Variants in ABHD8 observed in about 807,000 individuals in gnomAD.
ABHD8 encodes abhydrolase domain containing 8.
In ABHD8, 10 loss-of-function variants were observed where a neutral mutation model predicts 29.3. That is an observed-to-expected ratio of 0.34 (90% confidence interval 0.21 to 0.58). The LOEUF is 0.58. Among genes scored for constraint, ABHD8 ranks in the 20% least tolerant of loss-of-function variants. The pLI, the probability that ABHD8 is intolerant of heterozygous loss-of-function variation, is 0.85. For synonymous variants in ABHD8, 282 were observed against 274.6 expected (o/e 1.03, Z -0.27); for missense variants, 556 against 615.3 (o/e 0.90, Z 1.02).
chr19:17,300,295 T>G (rs1674672682), intron 2 of ABHD8, among the ~76,000 whole-genome samples: 2 of 151,326 alleles, frequency 1.3e-5, no homozygotes, highest in South Asian at 4.2e-4. Context: ...AGCCTCGACC[T>G]CCCAGACTCA....
Position 17,292,462 on chromosome 19 carries a change from G to A in ABHD8, c.*199C>T. 2 of 618,134 alleles carry A rather than the reference G, an allele frequency of 3.2e-6. No individual in the cohort carries two copies. Among genetic ancestry groups the A allele is most frequent in the Non-Finnish European group, 5.2e-6 (2 of 386,762 alleles). The allele number at this position is 618,134 out of a possible 1,614,324, so 38.3% of individuals were successfully genotyped here. A position where few individuals can be genotyped will look rare whatever the true frequency, so the allele number is the denominator to read the frequency against. ...AAACGCCGATGGGCCCCGCGGGACG[G>A]AAGCGGAGAGCGGAATGTCCGCTGG... is the stretch of plus-strand genomic sequence containing the variant. On this transcript the variant is annotated 3_prime_UTR_variant, in exon 5 of 5. Coordinates refer to ENST00000247706, the MANE Select transcript of ABHD8 (RefSeq NM_024527.5).
chr19:17,299,515 C>T (rs929594581), intron 2 of ABHD8, among the ~76,000 whole-genome samples: 1 of 144,132 alleles, frequency 6.9e-6, no homozygotes, highest in Admixed American at 7.1e-5. Flanking sequence ...GAGCCAGGAT[C>T]ACGCCACTGC....
chr19:17,301,771 T>G, intron 1 of ABHD8, 147 bp from the exon 2 acceptor site: 1 of 902,268 alleles, frequency 1.1e-6, no homozygotes, highest in Non-Finnish European at 1.5e-6. Flanking sequence ...CTGAGATTTT[T>G]TTGTTTGTGT....
At chr19:17,299,652 T>G (rs1568348005) in intron 2 of ABHD8, among the ~76,000 whole-genome samples, 1 of 151,762 alleles carries the variant, frequency 6.6e-6, no homozygotes, top group Non-Finnish European at 1.5e-5. Context: ...CAAGGATCAC[T>G]TGAGCCCAGT....
At chr19:17,299,048 A>G (rs912495453) in intron 2 of ABHD8, among the ~76,000 whole-genome samples, 3 of 152,136 alleles carry the variant, frequency 2.0e-5, no homozygotes, top group Non-Finnish European at 4.4e-5. Flanking sequence ...GGCCTGAGCA[A>G]CACTGCTTTA....
At position 17,300,955 on chromosome 19, in the gene ABHD8, A is replaced by G; in HGVS notation, c.662T>C (p.Val221Ala). ...AGHGASSAPQVAAAYTFYALA... is the reference protein window; with the variant it reads ...AGHGASSAPQAAAAYTFYALA... ...CGCATAGAAGGTGTAGGCTGCGGCC[A>G]CCTGGGGCGCAGAGCTGGCCCCGTG... Residue 221 changes from valine (V) to alanine (A), a missense_variant, in exon 2 of 5, where the codon GTG (valine) becomes GCG (alanine). By Grantham distance (64) the Val-to-Ala change is moderately conservative (BLOSUM62 0). Coordinates refer to ENST00000247706, the MANE Select transcript of ABHD8 (RefSeq NM_024527.5). The G allele has an allele frequency of 6.2e-7, 1 of 1,613,480 alleles. No individual in the cohort carries two copies. The highest frequency in any genetic ancestry group is 1.1e-5 in the South Asian group (1 of 91,080).
At chr19:17,300,151 G>T (rs895728355) in intron 2 of ABHD8, among the ~76,000 whole-genome samples, 1 of 150,744 alleles carries the variant, frequency 6.6e-6, no homozygotes, top group Non-Finnish European at 1.5e-5. Flanking sequence ...TGATCCGCCC[G>T]CCTCAGCCTC....
In ABHD8 at chr19:17,301,243, G is replaced by C. The variant is rs751059861; in HGVS notation, c.374C>G (p.Ala125Gly). 3 of 1,593,956 alleles carry C rather than the reference G, an allele frequency of 1.9e-6. No homozygotes were observed. Among genetic ancestry groups the C allele is most frequent in the African/African-American group, 2.7e-5 (2 of 74,142 alleles). ...AALEVELADP[A>G]GSDGRLAPGS... ...GGGGGCCAAGCGGCCATCGCTGCCC[G>C]CCGGATCTGCCAGCTCCACCTCCAG... Residue 125 changes from alanine to glycine, a missense_variant, in exon 2 of 5, where the codon GCG (alanine) becomes GGG (glycine). Coordinates refer to ENST00000247706, the MANE Select transcript of ABHD8 (RefSeq NM_024527.5).
intron 2 of ABHD8, chr19:17,297,744 C>CTTTTTTTTTTTTTT (rs71334702): frequency 7.7e-6 from 1 of 130,254 alleles, no homozygotes; most frequent in Non-Finnish European, 1.7e-5. Flanking sequence ...GTTTTCTTTT[C>CTTTTTTTTTTTTTT]TTTTTTTTTT....
At chr19:17,297,007 C>T (rs888589072) in intron 2 of ABHD8, among the ~76,000 whole-genome samples, 2 of 152,130 alleles carry the variant, frequency 1.3e-5, no homozygotes, top group African/African-American at 4.8e-5. Flanking sequence ...AAAATGTTTC[C>T]TAAATAAAGT....
intron 2 of ABHD8, chr19:17,296,608 A>G (rs148511097): frequency 1.6e-3 from 239 of 152,336 alleles, no homozygotes; most frequent in African/African-American, 5.7e-3. Flanking sequence ...AGGGGTCAAC[A>G]AACTATGTAC....
At chr19:17,293,898 C>A (rs2074081795) in intron 4 of ABHD8, among the ~76,000 whole-genome samples, 1 of 152,092 alleles carries the variant, frequency 6.6e-6, no homozygotes, top group South Asian at 2.1e-4. Flanking sequence ...ATCCCCAGAC[C>A]CTTTCTAATC....
chr19:17,297,724 T>G, intron 2 of ABHD8: 1 of 150,588 alleles, frequency 6.6e-6, no homozygotes, highest in Non-Finnish European at 1.5e-5. Context: ...GATACTTATG[T>G]AACTTCTTTG....
intron 1 of ABHD8, among the ~76,000 whole-genome samples, chr19:17,302,639 T>C (rs1328341443): frequency 6.6e-6 from 1 of 152,170 alleles, no homozygotes; most frequent in African/African-American, 2.4e-5. Flanking sequence ...CCAGACACTC[T>C]GAGAGGAAGC....
Position 17,297,537 on chromosome 19 carries a change from G to A in ABHD8, c.762-2692C>T, listed in dbSNP as rs1438882563. Among the ~76,000 whole-genome samples, 8 of 152,080 alleles carry A rather than the reference G, an allele frequency of 5.3e-5. No homozygotes were observed. In the South Asian group the frequency reaches 6.2e-4, roughly 12 times the overall value. Reference sequence around the variant, plus strand: ...TCTTGAACTCCTGACCTTGTGATCCGCCTGCCTCGGCCTCCAAAAGTTCTG... The same window carrying A: ...TCTTGAACTCCTGACCTTGTGATCCACCTGCCTCGGCCTCCAAAAGTTCTG... On this transcript the variant is annotated intron_variant, in intron 2 of 4. Coordinates refer to ENST00000247706, the MANE Select transcript of ABHD8 (RefSeq NM_024527.5).
chr19:17,297,076 G>A (rs370843255), intron 2 of ABHD8, among the ~76,000 whole-genome samples: 3 of 152,264 alleles, frequency 2.0e-5, no homozygotes, highest in South Asian at 2.1e-4. Context: ...TTCGCTATCC[G>A]ATCCTTTAAG....
rs2074113336 is a variant in ABHD8, at chr19:17,300,705, C to T, written c.761+151G>A. On this transcript the variant is annotated intron_variant, in intron 2 of 4. Transcript: ENST00000247706. ...CTTGGCCAGACTGTTCCCGAACTCC[C>T]AACCTCAGGTGATCCGCCTGCCTCG... 5 of 1,033,074 alleles carry T rather than the reference C, an allele frequency of 4.8e-6. No individual in the cohort carries two copies. The South Asian group carries it at 8.3e-5, about 17-fold the overall frequency. 64.0% of individuals were successfully genotyped at this position (1,033,074 alleles called of 1,614,324 possible).
rs775567753 is a variant in ABHD8 at position 17,301,056 on chromosome 19, G to A, written c.561C>T (p.Ser187=). Residue 187 remains serine (S), a synonymous_variant, in exon 2 of 5, where the codon TCC becomes TCT. Transcript: ENST00000247706. ...VLFFIHGVGG[S]LAIWKEQLDF... is the part of the protein sequence containing the mutation. ...CCAGCTGCTCCTTCCAGATGGCCAG[G>A]GAACCGCCGACACCATGGATGAAAA... The A allele has an allele frequency of 2.5e-6, 4 of 1,613,524 alleles. No individual in the cohort carries two copies. The highest frequency in any genetic ancestry group is 3.4e-6 in the Non-Finnish European group (4 of 1,180,032).
chr19:17,292,314 C>T lies in ABHD8; in HGVS notation c.*347G>A. ...CTGTGGGGCTCGTGGGTCCCAGGAT[C>T]AAGCACGGCTGACACGGAAGACAGC... is the stretch of plus-strand genomic sequence containing the variant. On this transcript the variant is annotated 3_prime_UTR_variant, in exon 5 of 5. Coordinates refer to ENST00000247706, the MANE Select transcript of ABHD8 (RefSeq NM_024527.5). The T allele has an allele frequency of 2.6e-6, 1 of 388,750 alleles. No individual in the cohort carries two copies. Among genetic ancestry groups the T allele is most frequent in the Non-Finnish European group, 4.6e-6 (1 of 218,342 alleles). 24.1% of individuals were successfully genotyped at this position (388,750 alleles called of 1,614,324 possible).
Sources: allele counts gnomAD v4.1 joint callset (sites outside exome capture counted in the v4.1 genomes callset), GRCh38; gene constraint gnomAD v4.1.1; transcripts MANE v1.5; gene names NCBI Gene and HGNC (gene_info 2026-07-23, HGNC 2026-07-21).